Variants in TRPC5 observed in about 807,000 individuals in gnomAD.
TRPC5 encodes the protein short transient receptor potential channel 5.
TRPC5 carries 9 observed loss-of-function variants against 56.5 expected under a neutral mutation model. That is an observed-to-expected ratio of 0.16 (90% CI 0.10 to 0.28). TRPC5 has a LOEUF of 0.28. Among genes scored for constraint, TRPC5 ranks in the 10% least tolerant of loss-of-function variants. TRPC5 has a pLI of 1.00. For missense variants in TRPC5, 469 were observed against 748.9 expected (o/e 0.63, Z 4.36); for synonymous variants, 282 against 278.5 (o/e 1.01, Z -0.13).
At chrX:112,008,339 C>T (rs140938144) in intron 1 of TRPC5, among the ~76,000 whole-genome samples, 8,103 of 111,487 alleles carry the variant, frequency 0.073, 375 homozygotes, top group African/African-American at 0.17. Flanking sequence ...TGCCTGTAAT[C>T]CCAGCACTTT....
intron 1 of TRPC5, among the ~76,000 whole-genome samples, chrX:112,020,398 C>A (rs751609847): frequency 1.8e-5 from 2 of 111,766 alleles, no homozygotes; most frequent in East Asian, 5.6e-4. Flanking sequence ...GGCGAGTAAT[C>A]ATAACAGCTT....
At chrX:112,062,008 G>A (rs1295534448) in intron 1 of TRPC5, among the ~76,000 whole-genome samples, 1 of 111,501 alleles carries the variant, frequency 9.0e-6, no homozygotes, top group Non-Finnish European at 1.9e-5. Context: ...CCTCCTATAT[G>A]TTATAGGGAT....
intron 7 of TRPC5, among the ~76,000 whole-genome samples, chrX:111,826,766 G>A (rs1053088422): frequency 8.9e-6 from 1 of 112,164 alleles, no homozygotes; most frequent in Admixed American, 9.5e-5. Context: ...GCTCTTGGGA[G>A]CTGAGACACA....
intron 7 of TRPC5, among the ~76,000 whole-genome samples, chrX:111,801,404 G>A (rs1479097744): frequency 8.9e-6 from 1 of 111,844 alleles, no homozygotes; most frequent in African/African-American, 3.2e-5. Flanking sequence ...ATTCTCTTGA[G>A]TATATACCTA....
In TRPC5 at chrX:111,873,930, T is replaced by A. The variant is rs764395110; in HGVS notation, c.901-19824A>T. The stretch of plus-strand genomic sequence containing the variant: ...GTGTGCTTAATGTAACCAGGAACAG[T>A]GTGTCCTGTTCTTCCCTGCCCCTGC... On this transcript the variant is annotated intron_variant, in intron 3 of 10. Coordinates refer to ENST00000262839, the MANE Select transcript of TRPC5 (RefSeq NM_012471.3). 4.5e-5 allele frequency among the ~76,000 whole-genome samples: 5 copies of A among 111,917 alleles called. No individual in the cohort carries two copies. In the East Asian group the frequency reaches 1.4e-3, roughly 32 times the overall value.
chrX:112,060,253 T>A (rs1206892874), intron 1 of TRPC5, among the ~76,000 whole-genome samples: 6 of 112,187 alleles, frequency 5.3e-5, no homozygotes, highest in Admixed American at 4.7e-4. Flanking sequence ...TGAGGATATT[T>A]ACATTTGCAA....
chrX:111,795,249 C>T (rs1019889793), intron 7 of TRPC5, among the ~76,000 whole-genome samples: 5 of 110,716 alleles, frequency 4.5e-5, no homozygotes, highest in South Asian at 3.8e-4. Context: ...AATCTTTCAC[C>T]GCTAAGTTTA....
chrX:111,933,776 G>A (rs1181590736), intron 2 of TRPC5, among the ~76,000 whole-genome samples: 2 of 111,433 alleles, frequency 1.8e-5, no homozygotes, highest in African/African-American at 6.5e-5. Context: ...ATAGAGCCAT[G>A]CCTAAGAGGA....
Position 111,986,190 on chromosome X carries a change from T to C in TRPC5, c.-21-33749A>G, listed in dbSNP as rs141489267. Among the ~76,000 whole-genome samples, 49 of 111,317 alleles carry C rather than the reference T, an allele frequency of 4.4e-4. No homozygotes were observed. In the East Asian group the frequency reaches 0.013, roughly 30 times the overall value. On this transcript the variant is annotated intron_variant, in intron 1 of 10. Transcript: ENST00000262839. ...TTTCAATTTGCCACTGGAGGCCTTT[T>C]GGTCCTTCTTTCAGCTATTCACCCA...
intron 1 of TRPC5, among the ~76,000 whole-genome samples, chrX:112,074,442 A>G (rs892490538): frequency 9.1e-6 from 1 of 109,909 alleles, no homozygotes; most frequent in Non-Finnish European, 1.9e-5. Context: ...TCCTCCACCA[A>G]TCCGGAATTC....
At position 111,886,500 on chromosome X, in the gene TRPC5, T is replaced by C. The variant is rs146675944; in HGVS notation, c.900+25791A>G. ...GTTTATTTATTGAATTGTTGCATGC[T>C]GTTTCATTATGGGATATTTGTTGAG... On this transcript the variant is annotated intron_variant, in intron 3 of 10. Coordinates refer to ENST00000262839, the MANE Select transcript of TRPC5 (RefSeq NM_012471.3). 8.0e-5 allele frequency among the ~76,000 whole-genome samples: 9 copies of C among 111,926 alleles called. No individual in the cohort carries two copies. In the East Asian group the frequency reaches 2.5e-3, roughly 31 times the overall value.
intron 3 of TRPC5, among the ~76,000 whole-genome samples, chrX:111,906,532 T>C (rs769508589): frequency 6.3e-5 from 7 of 111,640 alleles, no homozygotes; most frequent in South Asian, 3.8e-4. Context: ...AAGTTTTTAA[T>C]GTAGGCAAAC....
chrX:111,963,175 T>C (rs1018716958), intron 1 of TRPC5, among the ~76,000 whole-genome samples: 4 of 112,474 alleles, frequency 3.6e-5, no homozygotes, highest in African/African-American at 1.3e-4. Flanking sequence ...CAGGAGATTA[T>C]ATCCCGCACA....
intron 2 of TRPC5, among the ~76,000 whole-genome samples, chrX:111,919,653 A>C (rs1436587179): frequency 8.9e-6 from 1 of 112,232 alleles, no homozygotes; most frequent in African/African-American, 3.2e-5. Context: ...CAAAATTATA[A>C]GGATTAAATG....
rs1019130088 is a variant in TRPC5, at chrX:112,074,162, G to A, written c.-22+7717C>T. Among the ~76,000 whole-genome samples, 7 of 110,600 alleles carry A rather than the reference G, an allele frequency of 6.3e-5. No homozygotes were observed. In the East Asian group the frequency reaches 8.5e-4, roughly 13 times the overall value. On this transcript the variant is annotated intron_variant, in intron 1 of 10. Transcript: ENST00000262839. ...GGCACAGTTAAAATCACACGTAGAC[G>A]AATTTGGACCTAGATTCTGTACCTA...
At chrX:111,844,393 C>A (rs1279535227) in intron 6 of TRPC5, among the ~76,000 whole-genome samples, 1 of 110,687 alleles carries the variant, frequency 9.0e-6, no homozygotes, top group Non-Finnish European at 1.9e-5. Flanking sequence ...TCAGCAAGGA[C>A]AATGAGTTTC....
At chrX:111,893,938 T>G (rs1023220749) in intron 3 of TRPC5, among the ~76,000 whole-genome samples, 6 of 112,048 alleles carry the variant, frequency 5.4e-5, no homozygotes, top group Non-Finnish European at 1.1e-4. Flanking sequence ...CATTTGCCCT[T>G]TGTGGATAAA....
At chrX:111,889,364 A>G (rs1226186718) in intron 3 of TRPC5, among the ~76,000 whole-genome samples, 1 of 112,501 alleles carries the variant, frequency 8.9e-6, no homozygotes, top group Non-Finnish European at 1.9e-5. Flanking sequence ...AATATCAGTC[A>G]TAAGAGATGA....
At chrX:111,925,778 G>C (rs189006192) in intron 2 of TRPC5, among the ~76,000 whole-genome samples, 1 of 111,782 alleles carries the variant, frequency 8.9e-6, no homozygotes, top group East Asian at 2.8e-4. Flanking sequence ...ACATTGAACC[G>C]AATTCCCAGG....
Sources: gnomAD v4.1 joint callset for allele counts (sites outside exome capture counted in the v4.1 genomes callset) on GRCh38, gnomAD v4.1.1 for gene constraint, MANE v1.5 for transcripts, NCBI Gene and HGNC (gene_info 2026-07-23, HGNC 2026-07-21) for gene names.